CAMTA1: variants seen among roughly 807,000 people sequenced by gnomAD.
CAMTA1 encodes calmodulin binding transcription activator 1, also known as calmodulin-binding transcription activator 1.
CAMTA1 carries 27 observed loss-of-function variants against 170.9 expected under a neutral mutation model. That is an observed-to-expected ratio of 0.16 (90% CI 0.12 to 0.22). The LOEUF is 0.22. CAMTA1 is among the 10% of genes least tolerant of loss of function. CAMTA1 has a pLI of 1.00. For missense variants in CAMTA1, 1,619 were observed against 2,217.2 expected, an observed-to-expected ratio of 0.73 and a Z score of 5.42; for synonymous variants, 833 against 891.5, an observed-to-expected ratio of 0.93 and a Z score of 1.17.
At chr1:7,374,724 G>C (rs1487820603) in intron 5 of CAMTA1, among the ~76,000 whole-genome samples, 3 of 152,234 alleles carry the variant, frequency 2.0e-5, no homozygotes, top group Non-Finnish European at 4.4e-5. Context: ...ACACTGGAGA[G>C]TTGTGTGCGT....
rs567769965 is a variant in CAMTA1, at chr1:6,804,132, C to T, written c.46-16049C>T. On this transcript the variant is annotated intron_variant, in intron 1 of 22. Coordinates refer to ENST00000303635, the MANE Select transcript of CAMTA1 (RefSeq NM_015215.4). ...CCGGGAGGCAGAGGTTGCAGTGTGT[C>T]GAGATTGTGCCATCGCACTCCAGCC... Among the ~76,000 whole-genome samples, 30 of 150,202 alleles carry T rather than the reference C, an allele frequency of 2.0e-4. No homozygotes were observed. In the East Asian group the frequency reaches 3.7e-3, roughly 19 times the overall value.
intron 21 of CAMTA1, among the ~76,000 whole-genome samples, chr1:7,752,930 A>C (rs2096907697): frequency 6.6e-6 from 1 of 152,210 alleles, no homozygotes; most frequent in African/African-American, 2.4e-5. Context: ...TTCTAGTCTC[A>C]AGGAAGGGAA....
Position 7,310,706 on chromosome 1 carries a change from CTTTCTT to C in CAMTA1, c.438+61082_438+61087del, listed in dbSNP as rs1557491876. ...TCTCTCTCTCTCTCTCTCTCTCTTT[CTTTCTT>C]TCTTTCTTTCTTTCTTTCTTTCTTT... On this transcript the variant is annotated intron_variant, in intron 5 of 22. Coordinates refer to ENST00000303635, the MANE Select transcript of CAMTA1 (RefSeq NM_015215.4). Among the ~76,000 whole-genome samples, 290 of 57,518 alleles carry C rather than the reference CTTTCTT, an allele frequency of 5.0e-3. 31 individuals carry two copies. Among genetic ancestry groups the C allele is most frequent in the African/African-American group, 0.023 (205 of 8,774 alleles). 37.7% of individuals were successfully genotyped at this position (57,518 alleles called of 152,430 possible). A position where few individuals can be genotyped will look rare whatever the true frequency, so the allele number is the denominator to read the frequency against.
In CAMTA1 at chr1:6,872,030, G is replaced by A. The variant is rs1400131258; in HGVS notation, c.234+46820G>A. 1.2e-5 allele frequency: 13 copies of A among 1,103,224 alleles called. No individual in the cohort carries two copies. In the Admixed American group the frequency reaches 5.5e-4, roughly 47 times the overall value. The allele number at this position is 1,103,224 out of a possible 1,614,324, so 68.3% of individuals were successfully genotyped here. A position where few individuals can be genotyped will look rare whatever the true frequency, so the allele number is the denominator to read the frequency against. The stretch of plus-strand genomic sequence containing the variant: ...TCAGTTTTAAAATAAAGTGTAATCT[G>A]TGTTTTCATCCTTTTAAAATTTAAG... On this transcript the variant is annotated intron_variant, in intron 3 of 22. Coordinates refer to ENST00000303635, the MANE Select transcript of CAMTA1 (RefSeq NM_015215.4).
chr1:7,157,001 T>C (rs1573525326), intron 4 of CAMTA1, among the ~76,000 whole-genome samples: 1 of 152,148 alleles, frequency 6.6e-6, no homozygotes, highest in South Asian at 2.1e-4. Context: ...TCAGAAAGAA[T>C]TTTTATGCAG....
In CAMTA1 at chr1:7,682,521, C is replaced by T. The variant is rs527842378; in HGVS notation, c.2914+4788C>T. ...CTCTGCCCCCACTTCGGAGCTGCCA[C>T]CTTAGGTGTGAGAGGGCCTGTCCCT... On this transcript the variant is annotated intron_variant, in intron 11 of 22. Coordinates refer to ENST00000303635, the MANE Select transcript of CAMTA1 (RefSeq NM_015215.4). This position sits in a 1 kb window ranked among gnomAD's most constrained non-coding sequence, Gnocchi z 5.0. 2.9e-4 allele frequency among the ~76,000 whole-genome samples: 44 copies of T among 152,244 alleles called. No individual in the cohort carries two copies. The highest frequency in any genetic ancestry group is 5.7e-4 in the Non-Finnish European group (39 of 68,050).
At chr1:7,493,376 C>T (rs2093766603) in intron 6 of CAMTA1, among the ~76,000 whole-genome samples, 1 of 74,638 alleles carries the variant, frequency 1.3e-5, no homozygotes, top group Non-Finnish European at 2.3e-5. Context: ...CACGTGCGCA[C>T]ACACAAACAA....
chr1:7,260,084 A>G (rs1285895597), intron 5 of CAMTA1, among the ~76,000 whole-genome samples: 1 of 152,252 alleles, frequency 6.6e-6, no homozygotes, highest in African/African-American at 2.4e-5. Flanking sequence ...CAATTCTGCC[A>G]TTGTAGCATG....
intron 3 of CAMTA1, among the ~76,000 whole-genome samples, chr1:7,002,951 A>G (rs997692902): frequency 6.6e-6 from 1 of 152,226 alleles, no homozygotes; most frequent in African/African-American, 2.4e-5. Context: ...CAAAGAAGCC[A>G]TGAGGACTCC....
chr1:7,166,721 C>CA (rs1648525621), intron 4 of CAMTA1, among the ~76,000 whole-genome samples: 1 of 150,906 alleles, frequency 6.6e-6, no homozygotes, highest in African/African-American at 2.4e-5. Context: ...TTGCTCTATG[C>CA]ATTACAACTG....
At chr1:7,670,881 C>A (rs2096055074) in intron 9 of CAMTA1, 30 bp from the exon 10 acceptor site, 1 of 1,611,398 alleles carries the variant, frequency 6.2e-7, no homozygotes, top group Non-Finnish European at 8.5e-7. Flanking sequence ...GCTCACACTC[C>A]AACTCTGTTC....
chr1:7,325,209 G>A lies in CAMTA1; in HGVS notation c.438+75583G>A, dbSNP rs974117431. Among the ~76,000 whole-genome samples, 1 of 152,202 alleles carries A rather than the reference G, an allele frequency of 6.6e-6. No homozygotes were observed. The highest frequency in any genetic ancestry group is 6.5e-5 in the Admixed American group (1 of 15,286). On this transcript the variant is annotated intron_variant, in intron 5 of 22. Coordinates refer to ENST00000303635, the MANE Select transcript of CAMTA1 (RefSeq NM_015215.4). The surrounding 1 kb of genome is among the most constrained non-coding windows in gnomAD (Gnocchi z 5.0). ...TCATGGACTTGACATTCTAGCTGGG[G>A]TGACAGATTCTAAACAATAAACATC...
intron 5 of CAMTA1, among the ~76,000 whole-genome samples, chr1:7,335,527 C>T (rs894642281): frequency 1.3e-5 from 2 of 152,154 alleles, no homozygotes; most frequent in Admixed American, 6.5e-5. Flanking sequence ...GAGGCTCCAG[C>T]TTGAGGCTTC....
chr1:7,398,193 C>CTCTCTCTATATA (rs1557651862), intron 5 of CAMTA1, among the ~76,000 whole-genome samples: 4 of 16,894 alleles, frequency 2.4e-4, no homozygotes, highest in Non-Finnish European at 3.3e-4. Flanking sequence ...CTCTCTCTCT[C>CTCTCTCTATATA]TATATATATA....
chr1:7,683,515 C>T (rs1434940603), intron 11 of CAMTA1, among the ~76,000 whole-genome samples: 1 of 151,854 alleles, frequency 6.6e-6, no homozygotes, highest in African/African-American at 2.4e-5. Context: ...ACCCAGGGGT[C>T]ACCCAAAGGA....
At chr1:7,683,181 C>CAA (rs34814185) in intron 11 of CAMTA1, among the ~76,000 whole-genome samples, 16,415 of 89,224 alleles carry the variant, frequency 0.18, 1,312 homozygotes, top group East Asian at 0.27. Flanking sequence ...GACTCTGTCT[C>CAA]AAAAAAAAAA....
intron 6 of CAMTA1, among the ~76,000 whole-genome samples, chr1:7,478,532 G>A (rs191900240): frequency 1.6e-4 from 24 of 152,342 alleles, no homozygotes; most frequent in African/African-American, 2.4e-4. Flanking sequence ...TGAAGCTTCC[G>A]GAGCCGCAGT....
At chr1:7,434,628 A>T (rs1183151333) in intron 5 of CAMTA1, among the ~76,000 whole-genome samples, 1 of 152,162 alleles carries the variant, frequency 6.6e-6, no homozygotes, top group East Asian at 1.9e-4. Flanking sequence ...GAGATTGGGT[A>T]ACTTAGAACA....
At chr1:7,491,237 G>A (rs766646117) in intron 6 of CAMTA1, among the ~76,000 whole-genome samples, 5 of 152,090 alleles carry the variant, frequency 3.3e-5, no homozygotes, top group East Asian at 1.9e-4. Context: ...AGGCAGAGCC[G>A]GGAGGACTCC....
Sources: allele counts gnomAD v4.1 joint callset (sites outside exome capture counted in the v4.1 genomes callset), GRCh38; gene constraint gnomAD v4.1.1; non-coding constraint Gnocchi (gnomAD v3.1); transcripts MANE v1.5; gene names NCBI Gene and HGNC (gene_info 2026-07-23, HGNC 2026-07-21).